The following PCDHA3 variants were observed in gnomAD, a reference collection of about 807,000 sequenced individuals.
PCDHA3 encodes the protein protocadherin alpha 3.
A neutral mutation model predicts 62.2 loss-of-function variants in PCDHA3; 41 were observed. The ratio of observed to expected loss-of-function variants is 0.66; its 90% CI spans 0.51 to 0.86. The LOEUF (loss-of-function observed/expected upper bound fraction) is 0.86, where lower values mean the gene tolerates loss of function less well. Ranked by LOEUF, PCDHA3 falls within the 40% of genes least tolerant of loss-of-function variation. The pLI is 0.00. For missense variants in PCDHA3, 1,304 were observed against 1,241.2 expected, an observed-to-expected ratio of 1.05 and a Z score of -0.76; for synonymous variants, 640 against 555.4, an observed-to-expected ratio of 1.15 and a Z score of -2.14.
At chr5:140,873,113 C>T (rs2054104761) in intron 1 of PCDHA3, among the ~76,000 whole-genome samples, 1 of 152,114 alleles carries the variant, frequency 6.6e-6, no homozygotes, top group Admixed American at 6.5e-5. Flanking sequence ...TACCATTTGG[C>T]ACAATATTCA....
Position 140,982,562 on chromosome 5 carries a change from A to C in PCDHA3, c.2541A>C (p.Pro847=). ...QQWPTVSSAT[P]EPEAGEVSPP... ...GGCCAACAGTATCCAGTGCAACACCAGGTAAAGAGCTGGGGTCTCTCCATT... is the reference window on the plus strand; with the variant it reads ...GGCCAACAGTATCCAGTGCAACACCCGGTAAAGAGCTGGGGTCTCTCCATT... Residue 847 remains proline, a splice_region_variant and synonymous_variant, in exon 3 of 4, where the codon CCA becomes CCC. Coordinates refer to ENST00000522353, the MANE Select transcript of PCDHA3 (RefSeq NM_018906.3). 3 of 1,614,062 alleles carry C rather than the reference A, an allele frequency of 1.9e-6. No individual in the cohort carries two copies. The highest frequency in any genetic ancestry group is 2.5e-6 in the Non-Finnish European group (3 of 1,179,936).
At chr5:140,942,851 G>T (rs1211748532) in intron 1 of PCDHA3, among the ~76,000 whole-genome samples, 2 of 151,980 alleles carry the variant, frequency 1.3e-5, no homozygotes, top group Non-Finnish European at 2.9e-5. Flanking sequence ...CCAGTAAGAT[G>T]ATTATTTTGC....
chr5:140,835,484 C>T (rs2150236532), intron 1 of PCDHA3: 3 of 1,613,926 alleles, frequency 1.9e-6, no homozygotes, highest in Non-Finnish European at 8.5e-7. Flanking sequence ...AACCAGGTAC[C>T]GTCATCACAT....
chr5:140,835,543 G>A (rs2150237824), intron 1 of PCDHA3: 1 of 1,613,934 alleles, frequency 6.2e-7, no homozygotes, highest in African/African-American at 1.3e-5. Context: ...CAGGTTACCT[G>A]CTCCCTGACG....
intron 1 of PCDHA3, among the ~76,000 whole-genome samples, chr5:140,907,775 G>T (rs1217508105): frequency 4.6e-5 from 7 of 152,178 alleles, no homozygotes; most frequent in African/African-American, 1.7e-4. Flanking sequence ...TGATGACAGG[G>T]GTGGCTGGGG....
chr5:140,869,998 G>A (rs782322898), intron 1 of PCDHA3: 1 of 1,613,436 alleles, frequency 6.2e-7, no homozygotes. Context: ...TCAAAATAAT[G>A]GAGAAGTGAG....
At chr5:140,855,487 T>A (rs1554147815) in intron 1 of PCDHA3, among the ~76,000 whole-genome samples, 3 of 149,802 alleles carry the variant, frequency 2.0e-5, no homozygotes, top group Non-Finnish European at 1.5e-5. Flanking sequence ...GACATTAGTG[T>A]CTAAATAAAC....
In PCDHA3 at chr5:140,844,186, T is replaced by G. The variant is rs1779260414; in HGVS notation, c.2394+40595T>G. ...CTTTAAGATCTCGGTTTATTCATCT[T>G]ATCTGACTTTTTAGTGTCTGGTAGT... On this transcript the variant is annotated intron_variant, in intron 1 of 3. Transcript: ENST00000522353. Among the ~76,000 whole-genome samples, 2 of 149,872 alleles carry G rather than the reference T, an allele frequency of 1.3e-5. 1 individual carries two copies. Among genetic ancestry groups the G allele is most frequent in the Admixed American group, 1.3e-4 (2 of 14,948 alleles).
intron 1 of PCDHA3, chr5:140,858,104 G>T: frequency 6.3e-7 from 1 of 1,597,736 alleles, no homozygotes; most frequent in Non-Finnish European, 8.6e-7. Context: ...AGTGGGCGTG[G>T]CGCCCGAGGT....
At position 140,903,272 on chromosome 5, in the gene PCDHA3, G is replaced by A. The variant is rs907509606; in HGVS notation, c.2395-75677G>A. Among the ~76,000 whole-genome samples the A allele has an allele frequency of 2.6e-5, 4 of 152,138 alleles. No individual in the cohort carries two copies. The East Asian group carries it at 5.8e-4, about 22-fold the overall frequency. ...TAGTAATTCTTGCAGGAGTGAGGTA[G>A]TGTCTCATTGTGCATTAGGAAATTT... On this transcript the variant is annotated intron_variant, in intron 1 of 3. Transcript: ENST00000522353.
chr5:140,824,225 A>T, intron 1 of PCDHA3: 1 of 1,554,028 alleles, frequency 6.4e-7, no homozygotes, highest in Non-Finnish European at 8.9e-7. Flanking sequence ...ATTATGTCTT[A>T]GTACACAAAT....
intron 1 of PCDHA3, among the ~76,000 whole-genome samples, chr5:140,846,989 C>G (rs1449097023): frequency 6.7e-6 from 1 of 149,310 alleles, no homozygotes; most frequent in Non-Finnish European, 1.5e-5. Context: ...AAGTTCCCCC[C>G]GGGAGAATAT....
intron 1 of PCDHA3, chr5:140,803,994 A>G (rs759370269): frequency 3.7e-6 from 1 of 273,540 alleles, no homozygotes; most frequent in Non-Finnish European, 6.8e-6. Flanking sequence ...ACTACCTGTT[A>G]GTACAAATGT....
chr5:140,997,995 T>C (rs573319923), intron 3 of PCDHA3, among the ~76,000 whole-genome samples: 1 of 152,304 alleles, frequency 6.6e-6, no homozygotes, highest in East Asian at 1.9e-4. Flanking sequence ...CATACTTCCC[T>C]CTGAGCCTTC....
chr5:141,009,852 A>G lies in PCDHA3; in HGVS notation c.2768A>G (p.Lys923Arg), dbSNP rs1554262492. The G allele has an allele frequency of 6.2e-7, 1 of 1,614,074 alleles. No homozygotes were observed. Among genetic ancestry groups the G allele is most frequent in the East Asian group, 2.2e-5 (1 of 44,874 alleles). ...FITFGKKEET[K>R]KKKKKKKGNK... ...ACCTTCGGCAAAAAGGAGGAGACCA[A>G]GAAAAAGAAGAAAAAGAAGAAGGGT... Residue 923 changes from lysine (K) to arginine (R), a missense_variant, in exon 4 of 4, where the codon AAG becomes AGG. Physicochemically the swap from Lys to Arg is conservative, Grantham distance 26. Coordinates refer to ENST00000522353, the MANE Select transcript of PCDHA3 (RefSeq NM_018906.3).
intron 3 of PCDHA3, among the ~76,000 whole-genome samples, chr5:140,998,369 C>T (rs530777656): frequency 1.3e-5 from 2 of 152,210 alleles, no homozygotes; most frequent in South Asian, 2.1e-4. Context: ...CTGCACACAC[C>T]GTCTCTAGAA....
At position 140,929,021 on chromosome 5, in the gene PCDHA3, G is replaced by C. The variant is rs782118774; in HGVS notation, c.2395-49928G>C. On this transcript the variant is annotated intron_variant, in intron 1 of 3. Coordinates refer to ENST00000522353, the MANE Select transcript of PCDHA3 (RefSeq NM_018906.3). ...TTCGTGTGTACCAAGTTGCACCAGA[G>C]CCCAGGCTGTTGCGCTCAGAGCTGC... is the stretch of plus-strand genomic sequence containing the variant. The C allele has an allele frequency of 2.5e-6, 4 of 1,614,072 alleles. No individual in the cohort carries two copies. The African/African-American group carries it at 5.3e-5, about 22-fold the overall frequency.
chr5:140,946,631 T>TATATATATATAC (rs57893927), intron 1 of PCDHA3, among the ~76,000 whole-genome samples: 3,699 of 131,684 alleles, frequency 0.028, 186 homozygotes, highest in East Asian at 0.064. Flanking sequence ...TATATATATA[T>TATATATATATAC]ACAATGGAAT....
At chr5:140,807,865 T>C in intron 1 of PCDHA3, 1 of 1,614,150 alleles carries the variant, frequency 6.2e-7, no homozygotes, top group Non-Finnish European at 8.5e-7. Flanking sequence ...CTGGCACCGT[T>C]CAGTTACTCA....
Sources: gnomAD v4.1 joint callset for allele counts (sites outside exome capture counted in the v4.1 genomes callset) on GRCh38, gnomAD v4.1.1 for gene constraint, MANE v1.5 for transcripts, NCBI Gene and HGNC (gene_info 2026-07-23, HGNC 2026-07-21) for gene names.